ADD3: variants seen among roughly 807,000 people sequenced by gnomAD.
ADD3 encodes the protein gamma-adducin.
In ADD3, 25 loss-of-function variants were observed where a neutral mutation model predicts 80.2. The observed-to-expected ratio is 0.31, with a 90% CI of 0.23 to 0.44. ADD3 has a LOEUF of 0.44. Among genes scored for constraint, ADD3 ranks in the 20% least tolerant of loss-of-function variants. The pLI is 1.00. For missense variants in ADD3, 829 were observed against 847.5 expected, an observed-to-expected ratio of 0.98 and a Z score of 0.27; for synonymous variants, 284 against 289.6, an observed-to-expected ratio of 0.98 and a Z score of 0.20.
chr10:110,043,919 G>A (rs1856638360), intron 1 of ADD3, among the ~76,000 whole-genome samples: 1 of 152,120 alleles, frequency 6.6e-6, no homozygotes, highest in Non-Finnish European at 1.5e-5. Context: ...TATAAAATTT[G>A]TTGAACAGGC....
chr10:110,120,824 G>T (rs558689034), intron 8 of ADD3, among the ~76,000 whole-genome samples: 2 of 152,094 alleles, frequency 1.3e-5, no homozygotes, highest in Non-Finnish European at 2.9e-5. Flanking sequence ...GGAACAGAAC[G>T]GAGCCCTCAG....
At chr10:110,103,563 T>G (rs1023406880) in intron 2 of ADD3, among the ~76,000 whole-genome samples, 1 of 152,218 alleles carries the variant, frequency 6.6e-6, no homozygotes, top group Non-Finnish European at 1.5e-5. Flanking sequence ...AGGCTGCTTT[T>G]GAACTAATCT....
At chr10:110,109,710 A>G (rs907705628) in intron 2 of ADD3, among the ~76,000 whole-genome samples, 2 of 152,222 alleles carry the variant, frequency 1.3e-5, no homozygotes, top group African/African-American at 4.8e-5. Flanking sequence ...GCCCATTGCC[A>G]TGTGTCCAGA....
intron 1 of ADD3, among the ~76,000 whole-genome samples, chr10:110,033,578 G>A (rs536096339): frequency 3.3e-5 from 5 of 152,244 alleles, no homozygotes; most frequent in African/African-American, 7.2e-5. Flanking sequence ...AGATGGGCCC[G>A]TTTCTGGGGA....
intron 13 of ADD3, among the ~76,000 whole-genome samples, chr10:110,131,671 G>A (rs1038388984): frequency 6.6e-6 from 1 of 152,196 alleles, no homozygotes; most frequent in East Asian, 1.9e-4. Flanking sequence ...TTTTCTAAAT[G>A]GTGTTATTGA....
intron 2 of ADD3, among the ~76,000 whole-genome samples, chr10:110,104,520 TTG>T (rs1345735647): frequency 2.6e-5 from 4 of 152,190 alleles, no homozygotes; most frequent in African/African-American, 9.6e-5. Context: ...TTAAAAAATT[TTG>T]TCAGTCTCCT....
Position 110,133,432 on chromosome 10 carries a change from A to T in ADD3, c.1935A>T (p.Arg645=). 2 of 1,613,910 alleles carry T rather than the reference A, an allele frequency of 1.2e-6. No homozygotes were observed. The highest frequency in any genetic ancestry group is 1.7e-6 in the Non-Finnish European group (2 of 1,179,852). Residue 645 remains arginine, a synonymous_variant, in exon 15 of 15, where the codon CGA becomes CGT. Coordinates refer to ENST00000356080, the MANE Select transcript of ADD3 (RefSeq NM_016824.5). The stretch of plus-strand genomic sequence containing the variant: ...ATGTTGAAGATGAGCTTGCTAAGCG[A>T]GTGAGTAGGTTAAGCACAAGTACAA... The part of the protein sequence containing the change: ...MHDVEDELAK[R]VSRLSTSTTI...
chr10:110,079,730 G>A (rs934688859), intron 1 of ADD3, among the ~76,000 whole-genome samples: 5 of 151,852 alleles, frequency 3.3e-5, no homozygotes, highest in African/African-American at 1.2e-4. Flanking sequence ...TAGTAGAGAT[G>A]GGGTTTCACC....
chr10:110,120,824 G>A (rs558689034), intron 8 of ADD3, among the ~76,000 whole-genome samples: 83 of 152,212 alleles, frequency 5.5e-4, no homozygotes, highest in African/African-American at 1.7e-3. Context: ...GGAACAGAAC[G>A]GAGCCCTCAG....
chr10:110,072,358 C>A (rs1361252535), intron 1 of ADD3, among the ~76,000 whole-genome samples: 1 of 152,226 alleles, frequency 6.6e-6, no homozygotes, highest in African/African-American at 2.4e-5. Context: ...AGCCACTGTG[C>A]CCGGCCACCA....
At chr10:110,101,683 C>T (rs1848828969) in intron 2 of ADD3, among the ~76,000 whole-genome samples, 1 of 151,058 alleles carries the variant, frequency 6.6e-6, no homozygotes, top group African/African-American at 2.4e-5. Context: ...ATCCTGTCTG[C>T]ACAGCAATAG....
At chr10:110,051,921 C>G (rs1195906414) in intron 1 of ADD3, among the ~76,000 whole-genome samples, 1 of 152,186 alleles carries the variant, frequency 6.6e-6, no homozygotes, top group African/African-American at 2.4e-5. Flanking sequence ...TCCAACCCAG[C>G]CTCCCAAGTA....
intron 1 of ADD3, among the ~76,000 whole-genome samples, chr10:110,094,325 T>A (rs1013862627): frequency 1.3e-5 from 2 of 152,190 alleles, no homozygotes; most frequent in Non-Finnish European, 2.9e-5. Context: ...TTTTATAATA[T>A]GATATTTGAG....
At chr10:110,081,791 C>T (rs945355522) in intron 1 of ADD3, among the ~76,000 whole-genome samples, 2 of 152,180 alleles carry the variant, frequency 1.3e-5, no homozygotes, top group African/African-American at 4.8e-5. Context: ...ATCCTGATGG[C>T]TTCTTTGTCA....
At chr10:110,067,201 C>T (rs558915769) in intron 1 of ADD3, among the ~76,000 whole-genome samples, 1 of 152,258 alleles carries the variant, frequency 6.6e-6, no homozygotes. Flanking sequence ...TATTTTTCAA[C>T]TTTCATTTCC....
chr10:110,040,114 G>A (rs959062625), intron 1 of ADD3, among the ~76,000 whole-genome samples: 4 of 152,176 alleles, frequency 2.6e-5, no homozygotes, highest in African/African-American at 9.7e-5. Context: ...GGATGGTTAG[G>A]GACTTCTTAG....
chr10:110,047,665 T>G (rs1057404467), intron 1 of ADD3, among the ~76,000 whole-genome samples: 4 of 152,278 alleles, frequency 2.6e-5, no homozygotes, highest in South Asian at 2.1e-4. Flanking sequence ...ATCGTATGAC[T>G]TAGGAAAATA....
At chr10:110,070,427 C>G (rs1390713111) in intron 1 of ADD3, among the ~76,000 whole-genome samples, 2 of 151,736 alleles carry the variant, frequency 1.3e-5, no homozygotes, top group Non-Finnish European at 2.9e-5. Context: ...AATTGATTTA[C>G]CAACTCAGAA....
chr10:110,023,234 C>T (rs1853889785), intron 1 of ADD3, among the ~76,000 whole-genome samples: 1 of 152,054 alleles, frequency 6.6e-6, no homozygotes, highest in Admixed American at 6.5e-5. Context: ...GATTAGTGCC[C>T]TTATAAAAGA....
Sources: allele counts gnomAD v4.1 joint callset (sites outside exome capture counted in the v4.1 genomes callset), GRCh38; gene constraint gnomAD v4.1.1; transcripts MANE v1.5; gene names NCBI Gene and HGNC (gene_info 2026-07-23, HGNC 2026-07-21).